Variants in ZC4H2 observed in about 807,000 individuals in gnomAD.
ZC4H2 encodes the protein zinc finger C4H2-type containing, also known as zinc finger C4H2 domain-containing protein.
For synonymous variants in ZC4H2, 84 were observed against 66.3 expected (o/e 1.27, Z -1.30); for missense variants, 137 against 173.9 (o/e 0.79, Z 1.19).
At chrX:64,923,933 T>C (rs1929317925) in intron 1 of ZC4H2, among the ~76,000 whole-genome samples, 1 of 111,625 alleles carries the variant, frequency 9.0e-6, no homozygotes, top group African/African-American at 3.3e-5. Flanking sequence ...AGGGTTCTTG[T>C]TATAGCTCAT....
intron 1 of ZC4H2, among the ~76,000 whole-genome samples, chrX:65,010,221 G>T (rs1932736146): frequency 8.9e-6 from 1 of 111,976 alleles, no homozygotes; most frequent in South Asian, 3.7e-4. Context: ...CAATGGAATT[G>T]TCTATTTTCT....
chrX:64,952,975 T>C (rs374843265), intron 1 of ZC4H2, among the ~76,000 whole-genome samples: 9 of 111,383 alleles, frequency 8.1e-5, no homozygotes, highest in Middle Eastern at 9.3e-3. Context: ...AAAACAGAGA[T>C]ATAGACCAAT....
chrX:65,012,640 C>T (rs1364712330), intron 1 of ZC4H2, among the ~76,000 whole-genome samples: 1 of 112,110 alleles, frequency 8.9e-6, no homozygotes, highest in East Asian at 2.8e-4. Context: ...AAATGTAAGT[C>T]CCAGTTCTCT....
chrX:64,967,331 G>A (rs1569219162), intron 1 of ZC4H2, among the ~76,000 whole-genome samples: 1 of 111,368 alleles, frequency 9.0e-6, no homozygotes, highest in Admixed American at 9.5e-5. Flanking sequence ...TACAAAGAGT[G>A]TCATGCCAGT....
intron 1 of ZC4H2, among the ~76,000 whole-genome samples, chrX:64,992,663 G>A (rs902481208): frequency 1.8e-5 from 2 of 111,584 alleles, no homozygotes; most frequent in East Asian, 5.6e-4. Flanking sequence ...TTCAGGGCTA[G>A]ATTTCTGCTT....
intron 1 of ZC4H2, among the ~76,000 whole-genome samples, chrX:64,947,627 G>A (rs954486840): frequency 1.8e-5 from 2 of 112,263 alleles, no homozygotes; most frequent in African/African-American, 3.2e-5. Context: ...TTGAGTCCTT[G>A]TGGATGAACC....
chrX:65,019,002 A>G (rs761856577), intron 1 of ZC4H2, among the ~76,000 whole-genome samples: 8 of 111,794 alleles, frequency 7.2e-5, no homozygotes, highest in Non-Finnish European at 1.3e-4. Context: ...CTCTCTGCGC[A>G]GGGCATCTCT....
Position 64,920,261 on chromosome X carries a change from A to G in ZC4H2, c.226-8T>C, listed in dbSNP as rs2068086975. On this transcript the variant is annotated splice_polypyrimidine_tract_variant and splice_region_variant and intron_variant, in intron 2 of 4. Coordinates refer to ENST00000374839, the MANE Select transcript of ZC4H2 (RefSeq NM_018684.4). ...TTTGATAGTGTTTTCCATCTGGAACATAGAGTGGGATAGGCACAGAGAAAA... is the reference window on the plus strand; with the variant it reads ...TTTGATAGTGTTTTCCATCTGGAACGTAGAGTGGGATAGGCACAGAGAAAA... 2 of 1,206,219 alleles carry G rather than the reference A, an allele frequency of 1.7e-6. No homozygotes were observed. The highest frequency in any genetic ancestry group is 2.2e-6 in the Non-Finnish European group (2 of 892,715).
rs748109426 is a variant in ZC4H2, at chrX:64,986,989, G to A, written c.-272+47640C>T. Among the ~76,000 whole-genome samples the A allele has an allele frequency of 1.8e-3, 180 of 101,347 alleles. 1 individual carries two copies. The highest frequency in any genetic ancestry group is 6.0e-3 in the African/African-American group (162 of 27,020). The allele number at this position is 101,347 out of a possible 115,157, so 88.0% of individuals were successfully genotyped here. A position where few individuals can be genotyped will look rare whatever the true frequency, so the allele number is the denominator to read the frequency against. On this transcript the variant is annotated intron_variant, in intron 1 of 4. Transcript: ENST00000337990. ...GTCGCCCAGGCTGCAGTGCAGTGGC[G>A]CGATCTAGGCAAACTGCAAGCTCTG... is the stretch of plus-strand genomic sequence containing the variant.
chrX:64,983,460 T>C (rs1248521510), intron 1 of ZC4H2, among the ~76,000 whole-genome samples: 4 of 111,675 alleles, frequency 3.6e-5, no homozygotes, highest in East Asian at 2.8e-4. Context: ...TTGAAAACGA[T>C]TGTGCTTATC....
At chrX:65,012,263 GAAAGAAAA>G (rs1932763067) in intron 1 of ZC4H2, among the ~76,000 whole-genome samples, 1 of 90,984 alleles carries the variant, frequency 1.1e-5, no homozygotes, top group Non-Finnish European at 2.2e-5. Context: ...AAGAAAGAAA[GAAAGAAAA>G]GAGAAAAGAA....
intron 1 of ZC4H2, among the ~76,000 whole-genome samples, chrX:64,989,957 C>T (rs1248341703): frequency 8.9e-6 from 1 of 111,852 alleles, no homozygotes; most frequent in Non-Finnish European, 1.9e-5. Context: ...CCATTATGGA[C>T]AATGGTTTGT....
At position 64,946,581 on chromosome X, in the gene ZC4H2, G is replaced by GCACACACA. The variant is rs61275459; in HGVS notation, c.54-24601_54-24594dup. On this transcript the variant is annotated intron_variant, in intron 1 of 4. Coordinates refer to ENST00000374839, the MANE Select transcript of ZC4H2 (RefSeq NM_018684.4). ...AACCCCTTGGTTGTTTTAAATGCGT[G>GCACACACA]CACACACACACACACACACACACAC... Among the ~76,000 whole-genome samples, 74 of 95,893 alleles carry GCACACACA rather than the reference G, an allele frequency of 7.7e-4. 2 individuals are homozygous for GCACACACA. Among genetic ancestry groups the GCACACACA allele is most frequent in the African/African-American group, 2.7e-3 (71 of 26,063 alleles). 83.3% of individuals were successfully genotyped at this position (95,893 alleles called of 115,157 possible). A position where few individuals can be genotyped will look rare whatever the true frequency, so the allele number is the denominator to read the frequency against.
intron 1 of ZC4H2, among the ~76,000 whole-genome samples, chrX:64,953,675 C>A (rs189953549): frequency 9.0e-6 from 1 of 111,691 alleles, no homozygotes; most frequent in East Asian, 2.8e-4. Context: ...ACAAAGGGTG[C>A]TGGAGAGAAT....
upstream of ZC4H2, among the ~76,000 whole-genome samples, chrX:64,979,077 T>C (rs1932033794): frequency 8.9e-6 from 1 of 111,835 alleles, no homozygotes; most frequent in South Asian, 3.7e-4. Context: ...ATCTTGTCTT[T>C]CAAGCCTCAC....
chrX:65,000,281 C>T (rs1290455280), intron 1 of ZC4H2, among the ~76,000 whole-genome samples: 1 of 112,170 alleles, frequency 8.9e-6, no homozygotes, highest in Non-Finnish European at 1.9e-5. Context: ...GCAGCCTCTG[C>T]TGGTGACACC....
intron 1 of ZC4H2, among the ~76,000 whole-genome samples, chrX:64,951,940 C>A (rs1010647533): frequency 2.7e-4 from 30 of 111,466 alleles, no homozygotes; most frequent in Middle Eastern, 4.6e-3. Flanking sequence ...TTAGGTCTAA[C>A]GTTTAAGTCT....
At position 65,009,680 on chromosome X, in the gene ZC4H2, C is replaced by G. The variant is rs772084357; in HGVS notation, c.-272+24949G>C. Among the ~76,000 whole-genome samples the G allele has an allele frequency of 6.2e-5, 7 of 112,051 alleles. No homozygotes were observed. In the East Asian group the frequency reaches 2.0e-3, roughly 31 times the overall value. On this transcript the variant is annotated intron_variant, in intron 1 of 4. Coordinates refer to the ZC4H2 transcript ENST00000337990. Reference sequence around the variant, plus strand: ...ATGAAAGATTCAGGTTCCCTAAGTTCAGGGTTCTTCAGCATGGCACAAATC... The same window carrying G: ...ATGAAAGATTCAGGTTCCCTAAGTTGAGGGTTCTTCAGCATGGCACAAATC...
chrX:64,920,036 G>A, intron 3 of ZC4H2, 45 bp downstream of exon 3: 5 of 1,177,111 alleles, frequency 4.2e-6, no homozygotes, highest in Non-Finnish European at 5.7e-6. Context: ...ATGTATGTGG[G>A]TCGGAGGGAG....
Sources: allele counts gnomAD v4.1 joint callset (sites outside exome capture counted in the v4.1 genomes callset), GRCh38; gene constraint gnomAD v4.1.1; transcripts MANE v1.5; gene names NCBI Gene and HGNC (gene_info 2026-07-23, HGNC 2026-07-21).